LRFN5: variants seen among roughly 807,000 people sequenced by gnomAD.
LRFN5 encodes the protein leucine rich repeat and fibronectin type III domain containing 5.
A neutral mutation model predicts 45.6 loss-of-function variants in LRFN5; 24 were observed. That is an observed-to-expected ratio of 0.53 (90% CI 0.38 to 0.74). LRFN5 has a LOEUF of 0.74. Among genes scored for constraint, LRFN5 ranks in the 30% least tolerant of loss-of-function variants. LRFN5 has a pLI of 0.00. For missense variants in LRFN5, 776 were observed against 861.5 expected (o/e 0.90, Z 1.24); for synonymous variants, 340 against 313.8 (o/e 1.08, Z -0.88).
At chr14:41,683,107 A>G (rs1462406808) in intron 1 of LRFN5, among the ~76,000 whole-genome samples, 3 of 152,330 alleles carry the variant, frequency 2.0e-5, no homozygotes, top group African/African-American at 7.2e-5. Flanking sequence ...ACAATACATT[A>G]AAAACATTAT....
chr14:41,787,660 C>T, intron 2 of LRFN5, among the ~76,000 whole-genome samples: 1 of 151,564 alleles, frequency 6.6e-6, no homozygotes, highest in African/African-American at 2.4e-5. Flanking sequence ...TATTTCATTT[C>T]CTTGTTGTCT....
intron 2 of LRFN5, among the ~76,000 whole-genome samples, chr14:41,810,829 A>T (rs1481967053): frequency 6.6e-6 from 1 of 152,078 alleles, no homozygotes; most frequent in East Asian, 1.9e-4. Flanking sequence ...TGTCTTTCTT[A>T]GTTGAAAACA....
At chr14:41,620,202 T>TA (rs567318309) in intron 1 of LRFN5, among the ~76,000 whole-genome samples, 115 of 152,108 alleles carry the variant, frequency 7.6e-4, no homozygotes, top group Non-Finnish European at 1.4e-3. Flanking sequence ...CAGAAATTGT[T>TA]AAAAAAATAA....
rs78201754 is a variant in LRFN5, at chr14:41,811,317, T to C, written c.-21+44288T>C. Among the ~76,000 whole-genome samples the C allele has an allele frequency of 2.7e-3, 413 of 152,174 alleles. 13 individuals are homozygous for C. In the East Asian group the frequency reaches 0.068, roughly 25 times the overall value. ...AGAAATTAGGATTCTCATATATTGC[T>C]GATGGGAGTGTAAAATATTGAAGCT... On this transcript the variant is annotated intron_variant, in intron 2 of 5. Coordinates refer to ENST00000298119, the MANE Select transcript of LRFN5 (RefSeq NM_152447.5).
chr14:41,820,031 T>C lies in LRFN5; in HGVS notation c.-21+53002T>C, dbSNP rs1400515059. Among the ~76,000 whole-genome samples, 3 of 152,128 alleles carry C rather than the reference T, an allele frequency of 2.0e-5. No homozygotes were observed. In the East Asian group the frequency reaches 5.8e-4, roughly 29 times the overall value. The stretch of plus-strand genomic sequence containing the variant: ...TGCTGGAAATTAGTCCTTTGTTGAA[T>C]GCATAGTTTCCAAATATGTTCTCCC... On this transcript the variant is annotated intron_variant, in intron 2 of 5. Transcript: ENST00000298119.
At chr14:41,745,241 T>G (rs1884874107) in intron 1 of LRFN5, among the ~76,000 whole-genome samples, 1 of 151,976 alleles carries the variant, frequency 6.6e-6, no homozygotes, top group African/African-American at 2.4e-5. Flanking sequence ...ATACCGCAAA[T>G]TTGTCAAAAT....
chr14:41,772,959 C>T (rs888970263), intron 2 of LRFN5, among the ~76,000 whole-genome samples: 8 of 152,114 alleles, frequency 5.3e-5, no homozygotes, highest in African/African-American at 1.9e-4. Flanking sequence ...ACCCCAAGAG[C>T]CTCCTAAATT....
At chr14:41,733,231 A>G (rs1321122326) in intron 1 of LRFN5, among the ~76,000 whole-genome samples, 20 of 152,082 alleles carry the variant, frequency 1.3e-4, no homozygotes, top group Non-Finnish European at 1.5e-5. Flanking sequence ...AATCTCAGAG[A>G]ACTCCACGTG....
At chr14:41,696,667 C>A (rs1002691667) in intron 1 of LRFN5, among the ~76,000 whole-genome samples, 7 of 151,914 alleles carry the variant, frequency 4.6e-5, no homozygotes, top group Non-Finnish European at 1.0e-4. Context: ...AATGGACTAA[C>A]TAACTTATAT....
chr14:41,696,781 G>A lies in LRFN5; in HGVS notation c.-196-70073G>A, dbSNP rs147975094. On this transcript the variant is annotated intron_variant, in intron 1 of 5. Coordinates refer to ENST00000298119, the MANE Select transcript of LRFN5 (RefSeq NM_152447.5). ...GCCATTCTAACTGGTATGAGGTGAC[G>A]TCTCATCGTGGCTTCAGTTTGCATT... 7.4e-4 allele frequency among the ~76,000 whole-genome samples: 113 copies of A among 151,920 alleles called. No individual in the cohort carries two copies. The East Asian group carries it at 0.02, about 27-fold the overall frequency.
At chr14:41,667,234 C>A (rs532643124) in intron 1 of LRFN5, among the ~76,000 whole-genome samples, 1 of 152,132 alleles carries the variant, frequency 6.6e-6, no homozygotes, top group Non-Finnish European at 1.5e-5. Flanking sequence ...CTGCTTTGTT[C>A]TTTCCTCACG....
rs186639323 is a variant in LRFN5, at chr14:41,828,516, C to A, written c.-20-58090C>A. Among the ~76,000 whole-genome samples the A allele has an allele frequency of 9.9e-5, 15 of 152,080 alleles. No individual in the cohort carries two copies. The East Asian group carries it at 2.7e-3, about 27-fold the overall frequency. On this transcript the variant is annotated intron_variant, in intron 2 of 5. Transcript: ENST00000298119. ...CACATCCAAATCAACATGTTTAATACCAAACTCATGATCGTTTTCTGAAAC... is the reference window on the plus strand; with the variant it reads ...CACATCCAAATCAACATGTTTAATAACAAACTCATGATCGTTTTCTGAAAC...
At chr14:41,755,710 T>C (rs1051155649) in intron 1 of LRFN5, among the ~76,000 whole-genome samples, 4 of 152,260 alleles carry the variant, frequency 2.6e-5, no homozygotes, top group Admixed American at 6.5e-5. Flanking sequence ...GGGCCTTGAC[T>C]CTTTATCCAA....
At chr14:41,876,742 C>T (rs1890202946) in intron 2 of LRFN5, among the ~76,000 whole-genome samples, 1 of 152,008 alleles carries the variant, frequency 6.6e-6, no homozygotes, top group Non-Finnish European at 1.5e-5. Context: ...CCTTTAAATA[C>T]TGAAGTTTCC....
intron 1 of LRFN5, among the ~76,000 whole-genome samples, chr14:41,708,720 T>G (rs1183954163): frequency 6.7e-6 from 1 of 150,100 alleles, no homozygotes; most frequent in Non-Finnish European, 1.5e-5. Context: ...CTGAATTCCT[T>G]TTTTTTTTTA....
At chr14:41,769,221 G>C (rs1374237130) in intron 2 of LRFN5, among the ~76,000 whole-genome samples, 1 of 152,174 alleles carries the variant, frequency 6.6e-6, no homozygotes, top group East Asian at 1.9e-4. Context: ...GTGAAACAGT[G>C]AATGGAGTAG....
At chr14:41,704,811 T>C (rs1460848852) in intron 1 of LRFN5, among the ~76,000 whole-genome samples, 1 of 152,112 alleles carries the variant, frequency 6.6e-6, no homozygotes, top group Non-Finnish European at 1.5e-5. Flanking sequence ...AAAGATATTT[T>C]GGGAGAGGAA....
chr14:41,878,675 A>G (rs867548004), intron 2 of LRFN5, among the ~76,000 whole-genome samples: 9 of 152,174 alleles, frequency 5.9e-5, no homozygotes, highest in South Asian at 4.1e-4. Context: ...ATATTTAACA[A>G]AAACCTGTCT....
intron 2 of LRFN5, among the ~76,000 whole-genome samples, chr14:41,778,358 T>C (rs1886366455): frequency 6.6e-6 from 1 of 151,706 alleles, no homozygotes; most frequent in Admixed American, 6.6e-5. Context: ...ATTTGTGTAA[T>C]TGGCTTATCT....
Sources: allele counts gnomAD v4.1 joint callset (sites outside exome capture counted in the v4.1 genomes callset), GRCh38; gene constraint gnomAD v4.1.1; transcripts MANE v1.5; gene names NCBI Gene and HGNC (gene_info 2026-07-23, HGNC 2026-07-21).